WWOX: variants seen among roughly 807,000 people sequenced by gnomAD.
WWOX encodes the protein WW domain containing oxidoreductase.
A neutral mutation model predicts 46.2 loss-of-function variants in WWOX; 69 were observed. That is an observed-to-expected ratio of 1.49 (90% CI 1.23 to 1.82). WWOX has a LOEUF of 1.82. Ranked by LOEUF, WWOX falls within the 40% of genes most tolerant of loss-of-function variation. WWOX has a pLI of 0.00. For synonymous variants in WWOX, 359 were observed against 202.6 expected (o/e 1.77, Z -6.56); for missense variants, 919 against 542.6 (o/e 1.69, Z -6.89).
At chr16:78,826,963 C>T (rs1384558592) in intron 8 of WWOX, among the ~76,000 whole-genome samples, 1 of 152,142 alleles carries the variant, frequency 6.6e-6, no homozygotes, top group Non-Finnish European at 1.5e-5. Context: ...TATGTTTCTT[C>T]CTTGCCTCTT....
intron 8 of WWOX, among the ~76,000 whole-genome samples, chr16:78,568,205 A>G (rs2044622097): frequency 6.6e-6 from 1 of 152,118 alleles, no homozygotes; most frequent in African/African-American, 2.4e-5. Context: ...TCTGAACAAC[A>G]TCGGCTGTGC....
At chr16:78,282,114 G>A (rs1013079962) in intron 5 of WWOX, among the ~76,000 whole-genome samples, 11 of 152,128 alleles carry the variant, frequency 7.2e-5, no homozygotes, top group African/African-American at 2.2e-4. Context: ...CGGATGATGC[G>A]GTTCTCTGCA....
intron 8 of WWOX, among the ~76,000 whole-genome samples, chr16:78,619,337 G>A (rs1311343374): frequency 2.3e-5 from 3 of 128,024 alleles, no homozygotes; most frequent in Non-Finnish European, 4.9e-5. Context: ...ACTCCAGCCT[G>A]GGCAACAGAG....
At chr16:78,674,668 T>C (rs2047548995) in intron 8 of WWOX, among the ~76,000 whole-genome samples, 1 of 152,154 alleles carries the variant, frequency 6.6e-6, no homozygotes, top group Non-Finnish European at 1.5e-5. Flanking sequence ...TCCTGCCCCA[T>C]AACCTAACCT....
chr16:78,709,523 G>A (rs888016163), intron 8 of WWOX, among the ~76,000 whole-genome samples: 1 of 152,126 alleles, frequency 6.6e-6, no homozygotes, highest in African/African-American at 2.4e-5. Context: ...GATAGACGGT[G>A]TGCCTCTTCT....
chr16:78,796,393 A>C (rs1227918923), intron 8 of WWOX, among the ~76,000 whole-genome samples: 2 of 152,238 alleles, frequency 1.3e-5, no homozygotes, highest in Non-Finnish European at 2.9e-5. Context: ...TTATAGGTCA[A>C]GCCTGGAAGC....
At chr16:78,376,493 T>C (rs536959713) in intron 5 of WWOX, among the ~76,000 whole-genome samples, 2 of 152,312 alleles carry the variant, frequency 1.3e-5, no homozygotes, top group East Asian at 3.9e-4. Context: ...TTATTTGTAA[T>C]ACAATGAACC....
intron 8 of WWOX, among the ~76,000 whole-genome samples, chr16:79,191,479 C>T (rs2051135632): frequency 6.6e-6 from 1 of 152,010 alleles, no homozygotes; most frequent in African/African-American, 2.4e-5. Flanking sequence ...TTCAAAGTAG[C>T]TACAACTGCA....
chr16:79,197,402 T>C (rs1034771077), intron 8 of WWOX, among the ~76,000 whole-genome samples: 1 of 152,180 alleles, frequency 6.6e-6, no homozygotes, highest in Non-Finnish European at 1.5e-5. Flanking sequence ...TTTAAATTGC[T>C]TGTGGTGAGA....
intron 8 of WWOX, among the ~76,000 whole-genome samples, chr16:79,192,987 T>C (rs1003829397): frequency 9.2e-5 from 14 of 152,222 alleles, no homozygotes; most frequent in African/African-American, 3.4e-4. Flanking sequence ...TCCTTTCTGC[T>C]ACTTCTCTTT....
intron 8 of WWOX, among the ~76,000 whole-genome samples, chr16:78,844,746 C>G (rs2052253028): frequency 6.6e-6 from 1 of 152,114 alleles, no homozygotes; most frequent in African/African-American, 2.4e-5. Context: ...GTCTGGAAAC[C>G]CCAGTGCCAT....
At chr16:78,671,825 G>C (rs1328389335) in intron 8 of WWOX, among the ~76,000 whole-genome samples, 2 of 152,256 alleles carry the variant, frequency 1.3e-5, no homozygotes, top group East Asian at 3.9e-4. Context: ...TCAAGATATG[G>C]ATTGTAAAGT....
At chr16:78,940,541 C>T (rs1372941994) in intron 8 of WWOX, among the ~76,000 whole-genome samples, 1 of 152,132 alleles carries the variant, frequency 6.6e-6, no homozygotes, top group Non-Finnish European at 1.5e-5. Flanking sequence ...ATCCCGTGTT[C>T]CATCTGCTTC....
chr16:78,434,807 G>A (rs182035484), intron 8 of WWOX, among the ~76,000 whole-genome samples: 8 of 152,248 alleles, frequency 5.3e-5, no homozygotes, highest in Admixed American at 3.9e-4. Context: ...TTGTAGACTC[G>A]AATGGATGAG....
intron 8 of WWOX, among the ~76,000 whole-genome samples, chr16:78,817,175 T>TTTTTTC (rs2051355166): frequency 8.0e-6 from 1 of 124,610 alleles, no homozygotes; most frequent in East Asian, 2.1e-4. Context: ...TGCTATTCTT[T>TTTTTTC]TTTTTTTTTT....
intron 8 of WWOX, among the ~76,000 whole-genome samples, chr16:78,660,389 A>G (rs1597407179): frequency 6.6e-6 from 1 of 152,166 alleles, no homozygotes. Flanking sequence ...AATTGGAGAC[A>G]TTGATATGCT....
At chr16:78,591,011 C>A (rs748689099) in intron 8 of WWOX, among the ~76,000 whole-genome samples, 1 of 152,128 alleles carries the variant, frequency 6.6e-6, no homozygotes, top group Non-Finnish European at 1.5e-5. Context: ...GCTCAACTCA[C>A]GGTGGCTCCA....
At chr16:78,206,522 C>A (rs1228134372) in intron 5 of WWOX, among the ~76,000 whole-genome samples, 4 of 152,202 alleles carry the variant, frequency 2.6e-5, no homozygotes, top group Admixed American at 2.6e-4. Context: ...TGCTGCTCTA[C>A]TACCTGGAGT....
intron 8 of WWOX, among the ~76,000 whole-genome samples, chr16:78,703,959 C>A (rs1332022951): frequency 6.6e-6 from 1 of 152,064 alleles, no homozygotes; most frequent in African/African-American, 2.4e-5. Flanking sequence ...TAATATTTAT[C>A]ATTTTAACCA....
Sources: gnomAD v4.1 joint callset for allele counts (sites outside exome capture counted in the v4.1 genomes callset) on GRCh38, gnomAD v4.1.1 for gene constraint, MANE v1.5 for transcripts, NCBI Gene and HGNC (gene_info 2026-07-23, HGNC 2026-07-21) for gene names.